DLGAP2: variants seen among roughly 807,000 people sequenced by gnomAD.
DLGAP2 encodes disks large-associated protein 2.
In DLGAP2, 26 loss-of-function variants were observed where a neutral mutation model predicts 100.3. That is an observed-to-expected ratio of 0.26 (90% CI 0.19 to 0.36). DLGAP2 has a LOEUF of 0.36. DLGAP2 is among the 10% of genes least tolerant of loss of function. The pLI is 1.00. For synonymous variants in DLGAP2, 886 were observed against 630.1 expected, an observed-to-expected ratio of 1.41 and a Z score of -6.08; for missense variants, 1,858 against 1,453.2, an observed-to-expected ratio of 1.28 and a Z score of -4.53.
intron 6 of DLGAP2, among the ~76,000 whole-genome samples, chr8:1,583,072 G>A (rs970336002): frequency 5.3e-5 from 8 of 152,198 alleles, no homozygotes; most frequent in African/African-American, 1.2e-4. Context: ...ACAATGGATC[G>A]TGGAGGATAA....
chr8:1,701,601 CT>C lies in DLGAP2; in HGVS notation c.*199del. The C allele has an allele frequency of 1.6e-6, 1 of 629,030 alleles. No individual in the cohort carries two copies. Among genetic ancestry groups the C allele is most frequent in the Non-Finnish European group, 2.7e-6 (1 of 371,376 alleles). The allele number at this position is 629,030 out of a possible 1,614,324, so 39.0% of individuals were successfully genotyped here. A position where few individuals can be genotyped will look rare whatever the true frequency, so the allele number is the denominator to read the frequency against. On this transcript the variant is annotated 3_prime_UTR_variant, in exon 15 of 15. Coordinates refer to ENST00000637795, the MANE Select transcript of DLGAP2 (RefSeq NM_001346810.2). ...GAGCTCGCGGCGAGGACGACTTCTG[CT>C]TTTGTTGTTGTTGTTGTTGTTCACG...
At position 1,184,941 on chromosome 8, in the gene DLGAP2, G is replaced by A. The variant is rs144413111; in HGVS notation, c.74-73910G>A. 4.9e-3 allele frequency among the ~76,000 whole-genome samples: 741 copies of A among 152,328 alleles called. 3 individuals carry two copies. Among genetic ancestry groups the A allele is most frequent in the Non-Finnish European group, 8.1e-3 (552 of 68,034 alleles). ...CCAAATCATATAACCTGGTGCAGAA[G>A]AGGCAGATTTCAGACCCAGGTTTGC... On this transcript the variant is annotated intron_variant, in intron 2 of 14. Transcript: ENST00000637795.
intron 6 of DLGAP2, among the ~76,000 whole-genome samples, chr8:1,582,060 A>G (rs2130641847): frequency 6.6e-6 from 1 of 151,628 alleles, no homozygotes; most frequent in East Asian, 2.0e-4. Flanking sequence ...TCAAACTACC[A>G]GAAGTGAAGG....
At chr8:1,451,151 C>T (rs535318568) in intron 3 of DLGAP2, among the ~76,000 whole-genome samples, 10 of 152,142 alleles carry the variant, frequency 6.6e-5, no homozygotes, top group Non-Finnish European at 7.3e-5. Context: ...ACCTTTCCAG[C>T]ATGTTCCGCC....
At chr8:1,413,844 A>G (rs1217362083) in intron 3 of DLGAP2, among the ~76,000 whole-genome samples, 1 of 152,260 alleles carries the variant, frequency 6.6e-6, no homozygotes, top group Non-Finnish European at 1.5e-5. Flanking sequence ...GCACAGCCTG[A>G]GAAGAGGCAC....
At chr8:1,563,872 G>C (rs1465942152) in intron 5 of DLGAP2, among the ~76,000 whole-genome samples, 1 of 152,178 alleles carries the variant, frequency 6.6e-6, no homozygotes, top group South Asian at 2.1e-4. Flanking sequence ...ACACTGGAAA[G>C]ATGGCAGGTT....
At chr8:1,176,966 C>G (rs1405249832) in intron 2 of DLGAP2, among the ~76,000 whole-genome samples, 6 of 152,194 alleles carry the variant, frequency 3.9e-5, no homozygotes, top group Non-Finnish European at 8.8e-5. Flanking sequence ...AAGCAAGTCA[C>G]GGTTCACACA....
chr8:960,633 T>G (rs1409152815), intron 2 of DLGAP2, among the ~76,000 whole-genome samples: 1 of 152,196 alleles, frequency 6.6e-6, no homozygotes, highest in Non-Finnish European at 1.5e-5. Context: ...GTTAATTGAA[T>G]TTGTTGTTTA....
chr8:1,154,200 A>C (rs1024325183), intron 2 of DLGAP2, among the ~76,000 whole-genome samples: 1 of 152,168 alleles, frequency 6.6e-6, no homozygotes, highest in Non-Finnish European at 1.5e-5. Flanking sequence ...ATTGTGAATC[A>C]CTACGGCGTC....
At position 1,229,967 on chromosome 8, in the gene DLGAP2, A is replaced by C. The variant is rs144396410; in HGVS notation, c.74-28884A>C. ...TCCCCTTGAGAACTGGAACAAGACA[A>C]GGATGCCCACTCTCACCACTCCTAT... On this transcript the variant is annotated intron_variant, in intron 2 of 14. Coordinates refer to ENST00000637795, the MANE Select transcript of DLGAP2 (RefSeq NM_001346810.2). Among the ~76,000 whole-genome samples the C allele has an allele frequency of 9.7e-3, 1,471 of 152,310 alleles. 26 individuals carry two copies. The highest frequency in any genetic ancestry group is 0.034 in the African/African-American group (1,394 of 41,566).
At chr8:846,237 C>T (rs1291241544) in intron 1 of DLGAP2, among the ~76,000 whole-genome samples, 1 of 152,186 alleles carries the variant, frequency 6.6e-6, no homozygotes, top group Non-Finnish European at 1.5e-5. Context: ...AGAACTTAGT[C>T]TTCCTATCTA....
intron 3 of DLGAP2, among the ~76,000 whole-genome samples, chr8:1,343,675 G>A (rs1268742703): frequency 2.0e-5 from 3 of 151,032 alleles, no homozygotes; most frequent in South Asian, 2.1e-4. Context: ...TGGTTCCGCA[G>A]TCAGCTTTTG....
intron 2 of DLGAP2, among the ~76,000 whole-genome samples, chr8:1,131,000 G>A (rs558025293): frequency 2.0e-5 from 3 of 152,174 alleles, no homozygotes; most frequent in African/African-American, 4.8e-5. Flanking sequence ...AGCTTACTCC[G>A]TACACATTTC....
At chr8:1,124,961 G>A (rs886513619) in intron 2 of DLGAP2, among the ~76,000 whole-genome samples, 7 of 152,132 alleles carry the variant, frequency 4.6e-5, no homozygotes, top group Admixed American at 2.0e-4. Context: ...ATCGCTGACT[G>A]TCCAGCACCT....
intron 3 of DLGAP2, among the ~76,000 whole-genome samples, chr8:1,443,522 A>G (rs1442657665): frequency 1.3e-5 from 2 of 152,118 alleles, no homozygotes; most frequent in Non-Finnish European, 2.9e-5. Flanking sequence ...GTCTGTTCTC[A>G]CCCTGCTAAT....
At chr8:794,482 G>C (rs1475321334) in intron 1 of DLGAP2, among the ~76,000 whole-genome samples, 2 of 152,206 alleles carry the variant, frequency 1.3e-5, no homozygotes, top group African/African-American at 4.8e-5. Context: ...TCTCCCTTAT[G>C]AGAAATGAAG....
At chr8:833,033 A>G (rs1431861421) in intron 1 of DLGAP2, among the ~76,000 whole-genome samples, 1 of 152,230 alleles carries the variant, frequency 6.6e-6, no homozygotes, top group African/African-American at 2.4e-5. Context: ...CCCAGTAAAC[A>G]TCTGTGACAA....
intron 3 of DLGAP2, among the ~76,000 whole-genome samples, chr8:1,433,567 T>G (rs140299389): frequency 2.6e-5 from 4 of 152,278 alleles, no homozygotes; most frequent in East Asian, 1.9e-4. Context: ...ATTTGAAGAA[T>G]AGTCCTAATC....
intron 2 of DLGAP2, among the ~76,000 whole-genome samples, chr8:1,210,464 G>A (rs560845789): frequency 1.3e-5 from 2 of 152,348 alleles, no homozygotes; most frequent in South Asian, 4.1e-4. Context: ...GAGTGTGTGG[G>A]GGGAAGGAGA....
Sources: allele counts gnomAD v4.1 joint callset (sites outside exome capture counted in the v4.1 genomes callset), GRCh38; gene constraint gnomAD v4.1.1; transcripts MANE v1.5; gene names NCBI Gene and HGNC (gene_info 2026-07-23, HGNC 2026-07-21).